RTN1: variants seen among roughly 807,000 people sequenced by gnomAD.
RTN1 encodes reticulon 1.
A neutral mutation model predicts 65.5 loss-of-function variants in RTN1; 25 were observed. That is an observed-to-expected ratio of 0.38 (90% CI 0.28 to 0.53). The LOEUF (loss-of-function observed/expected upper bound fraction) is 0.53. Ranked by LOEUF, RTN1 falls within the 20% of genes least tolerant of loss-of-function variation. The pLI is 0.79. For missense variants in RTN1, 983 were observed against 1,025.4 expected (o/e 0.96, Z 0.57); for synonymous variants, 471 against 447.6 (o/e 1.05, Z -0.66).
chr14:59,737,824 A>G (rs949220446), intron 2 of RTN1, among the ~76,000 whole-genome samples: 1 of 152,208 alleles, frequency 6.6e-6, no homozygotes, highest in Middle Eastern at 3.2e-3. Context: ...ACATAGACCA[A>G]TGGACCAGCA....
At chr14:59,605,545 G>A in intron 4 of RTN1, 39 bp from the exon 5 acceptor site, 2 of 1,609,952 alleles carry the variant, frequency 1.2e-6, no homozygotes, top group Non-Finnish European at 1.7e-6. Context: ...TCCGTCAGAG[G>A]GAATCATGAG....
chr14:59,729,596 AATAAG>A (rs1264111503), intron 2 of RTN1, among the ~76,000 whole-genome samples: 1 of 152,212 alleles, frequency 6.6e-6, no homozygotes, highest in Non-Finnish European at 1.5e-5. Context: ...AGCACGGAGA[AATAAG>A]ATAAGGAGTG....
chr14:59,762,419 G>C (rs1885768288), intron 1 of RTN1, among the ~76,000 whole-genome samples: 1 of 152,126 alleles, frequency 6.6e-6, no homozygotes, highest in Non-Finnish European at 1.5e-5. Flanking sequence ...AAGACCTTTT[G>C]TTTAACCACA....
chr14:59,603,975 G>A, intron 5 of RTN1, 54 bp from the exon 6 acceptor site: 1 of 1,392,874 alleles, frequency 7.2e-7, no homozygotes, highest in Non-Finnish European at 1.0e-6. Flanking sequence ...ACAAGTTAGA[G>A]TCTCATATCA....
chr14:59,700,273 GGAAGGCAATATTGTTAA>G (rs747060146), intron 3 of RTN1, among the ~76,000 whole-genome samples: 1 of 152,074 alleles, frequency 6.6e-6, no homozygotes, highest in Non-Finnish European at 1.5e-5. Flanking sequence ...TTCATGAATT[GGAAGGCAATATTGTTAA>G]GATGGCAGTA....
At position 59,846,867 on chromosome 14, in the gene RTN1, T is replaced by A. The variant is rs1365716489; in HGVS notation, c.241+23523A>T. Among the ~76,000 whole-genome samples the A allele has an allele frequency of 2.0e-5, 3 of 152,168 alleles. No homozygotes were observed. The highest frequency in any genetic ancestry group is 2.9e-5 in the Non-Finnish European group (2 of 68,026). Reference sequence around the variant, plus strand: ...AGCAGCCACTTTGATGAGACTGATTTTGCTTGAGAACCAGGAATAATCTGG... The same window carrying A: ...AGCAGCCACTTTGATGAGACTGATTATGCTTGAGAACCAGGAATAATCTGG... On this transcript the variant is annotated intron_variant, in intron 1 of 8. Transcript: ENST00000267484. This position sits in a 1 kb window ranked among gnomAD's most constrained non-coding sequence, Gnocchi z 4.8.
At chr14:59,835,555 G>C (rs1887199186) in intron 1 of RTN1, among the ~76,000 whole-genome samples, 1 of 152,142 alleles carries the variant, frequency 6.6e-6, no homozygotes, top group Non-Finnish European at 1.5e-5. Context: ...TCCAGGCACT[G>C]TTGTAGGCAC....
intron 3 of RTN1, among the ~76,000 whole-genome samples, chr14:59,687,326 C>T (rs1408071134): frequency 6.6e-6 from 1 of 152,152 alleles, no homozygotes; most frequent in East Asian, 1.9e-4. Flanking sequence ...ACCCTCTCCA[C>T]TCCATGCCTA....
intron 3 of RTN1, chr14:59,647,126 G>A (rs904914457): frequency 2.0e-5 from 3 of 151,994 alleles, no homozygotes; most frequent in Non-Finnish European, 4.4e-5. Flanking sequence ...CCAAGCAAAT[G>A]GAAAACAGAA....
At chr14:59,804,518 C>A (rs1273878215) in intron 1 of RTN1, among the ~76,000 whole-genome samples, 3 of 152,108 alleles carry the variant, frequency 2.0e-5, no homozygotes, top group African/African-American at 4.8e-5. Context: ...ATTTTTAAAA[C>A]TTGGCTCATA....
intron 3 of RTN1, among the ~76,000 whole-genome samples, chr14:59,620,116 G>A (rs1211608517): frequency 6.6e-6 from 1 of 152,054 alleles, no homozygotes; most frequent in Non-Finnish European, 1.5e-5. Flanking sequence ...GAAAAAATGG[G>A]ATTAATCACA....
chr14:59,650,685 G>A (rs773773505), intron 3 of RTN1, among the ~76,000 whole-genome samples: 88 of 152,090 alleles, frequency 5.8e-4, no homozygotes, highest in Non-Finnish European at 1.6e-4. Context: ...AAACACCCAG[G>A]AATACAGCTA....
intron 2 of RTN1, among the ~76,000 whole-genome samples, chr14:59,738,146 C>T (rs1249270897): frequency 2.0e-5 from 3 of 152,156 alleles, no homozygotes; most frequent in Non-Finnish European, 4.4e-5. Context: ...GCAACAAAAG[C>T]TCAAACTGAC....
chr14:59,760,923 T>C (rs1489664911), intron 1 of RTN1, among the ~76,000 whole-genome samples: 1 of 152,178 alleles, frequency 6.6e-6, no homozygotes, highest in Admixed American at 6.5e-5. Flanking sequence ...TGATACAAAA[T>C]GAGTCAGAGG....
At chr14:59,725,675 C>T (rs564910342) in intron 3 of RTN1, among the ~76,000 whole-genome samples, 6 of 152,346 alleles carry the variant, frequency 3.9e-5, no homozygotes, top group Admixed American at 3.9e-4. Context: ...CACACCATGC[C>T]ACATGTCTGA....
chr14:59,777,856 C>T (rs1342305553), intron 1 of RTN1, among the ~76,000 whole-genome samples: 1 of 151,136 alleles, frequency 6.6e-6, no homozygotes, highest in Non-Finnish European at 1.5e-5. Context: ...AACACACACA[C>T]ACACACACAC....
intron 1 of RTN1, among the ~76,000 whole-genome samples, chr14:59,865,590 G>A (rs993284100): frequency 8.6e-5 from 13 of 151,964 alleles, no homozygotes; most frequent in Admixed American, 8.5e-4. Context: ...CAAACAGTGG[G>A]CCTCTCTGGC....
intron 1 of RTN1, among the ~76,000 whole-genome samples, chr14:59,750,185 A>ATATATATTATAT (rs1566713268): frequency 1.4e-3 from 30 of 21,860 alleles, no homozygotes; most frequent in African/African-American, 8.4e-3. Flanking sequence ...AATATATAAT[A>ATATATATTATAT]CATATATTAT....
intron 1 of RTN1, among the ~76,000 whole-genome samples, chr14:59,763,531 C>CTTTTTTTTTT (rs567181046): frequency 7.8e-6 from 1 of 127,396 alleles, no homozygotes; most frequent in South Asian, 2.4e-4. Context: ...AATTTTCTTT[C>CTTTTTTTTTT]TTTTTTTTTT....
Sources: gnomAD v4.1 joint callset for allele counts (sites outside exome capture counted in the v4.1 genomes callset) on GRCh38, gnomAD v4.1.1 for gene constraint, Gnocchi (gnomAD v3.1) non-coding constraint, MANE v1.5 for transcripts, NCBI Gene and HGNC (gene_info 2026-07-23, HGNC 2026-07-21) for gene names.